BANP: variants seen among roughly 807,000 people sequenced by gnomAD.
BANP encodes protein BANP.
BANP carries 11 observed loss-of-function variants against 68.1 expected under a neutral mutation model. That is an observed-to-expected ratio of 0.16 (90% CI 0.10 to 0.27). BANP has a LOEUF of 0.27. Ranked by LOEUF, BANP falls within the 10% of genes least tolerant of loss-of-function variation. The probability of loss-of-function intolerance (pLI) is 1.00; values close to 1 mark genes in which losing one functional copy is unlikely to be tolerated. For missense variants in BANP, 504 were observed against 722.7 expected, an observed-to-expected ratio of 0.70 and a Z score of 3.47; for synonymous variants, 329 against 303.2, an observed-to-expected ratio of 1.09 and a Z score of -0.88.
chr16:88,035,475 AG>A, intron 10 of BANP, 81 bp downstream of exon 10: 1 of 1,329,854 alleles, frequency 7.5e-7, no homozygotes, highest in Non-Finnish European at 1.0e-6. Context: ...TCACAGTGCG[AG>A]GGCAGCAGGG....
intron 11 of BANP, among the ~76,000 whole-genome samples, chr16:88,056,458 TCTC>T (rs1411394148): frequency 2.8e-4 from 24 of 86,802 alleles, no homozygotes; most frequent in East Asian, 6.7e-4. Context: ...GCGTATTCTC[TCTC>T]TTTTTTTTTT....
At chr16:88,067,407 C>A (rs908872627) in intron 12 of BANP, among the ~76,000 whole-genome samples, 1 of 152,062 alleles carries the variant, frequency 6.6e-6, no homozygotes. Context: ...GGAGGAGACT[C>A]GAGCTGGAAC....
At position 88,071,759 on chromosome 16, in the gene BANP, C is replaced by T. The variant is rs1373154726; in HGVS notation, c.1378-310C>T. 1 of 605,936 alleles carries T rather than the reference C, an allele frequency of 1.7e-6. No individual in the cohort carries two copies. The highest frequency in any genetic ancestry group is 3.4e-5 in the East Asian group (1 of 29,042). The allele number at this position is 605,936 out of a possible 1,614,324, so 37.5% of individuals were successfully genotyped here. ...GGAGGCTCTGTGGCATTTGCTGTTG[C>T]TCTCTTTTTCTGTGGAAGCTCTGCC... is the stretch of plus-strand genomic sequence containing the variant. On this transcript the variant is annotated intron_variant, in intron 12 of 13. Transcript: ENST00000682872. This position sits in a 1 kb window ranked among gnomAD's most constrained non-coding sequence, Gnocchi z 6.5.
intron 9 of BANP, among the ~76,000 whole-genome samples, chr16:88,034,551 G>A (rs529379394): frequency 2.2e-4 from 34 of 151,934 alleles, no homozygotes; most frequent in Non-Finnish European, 4.3e-4. Context: ...TTTGAAAAAC[G>A]TTGCCTGCCC....
At position 88,018,997 on chromosome 16, in the gene BANP, C is replaced by T. The variant is rs1454294345; in HGVS notation, c.895+330C>T. 4.6e-5 allele frequency among the ~76,000 whole-genome samples: 7 copies of T among 150,786 alleles called. No homozygotes were observed. The East Asian group carries it at 7.8e-4, about 17-fold the overall frequency. On this transcript the variant is annotated intron_variant, in intron 7 of 13. Transcript: ENST00000682872. This position sits in a 1 kb window ranked among gnomAD's most constrained non-coding sequence, Gnocchi z 7.7. Reference sequence around the variant, plus strand: ...GAGAGAGGAGGAGGAGAGCCGGGGCCTTCCCTGCTGTCCTGGCCACGCTGA... The same window carrying T: ...GAGAGAGGAGGAGGAGAGCCGGGGCTTTCCCTGCTGTCCTGGCCACGCTGA...
chr16:88,036,201 G>A lies in BANP; in HGVS notation c.1272+807G>A, dbSNP rs142072794. Among the ~76,000 whole-genome samples, 1 of 152,194 alleles carries A rather than the reference G, an allele frequency of 6.6e-6. No homozygotes were observed. The highest frequency in any genetic ancestry group is 1.9e-4 in the East Asian group (1 of 5,190). On this transcript the variant is annotated intron_variant, in intron 10 of 13. Transcript: ENST00000682872. The surrounding 1 kb of genome is among the most constrained non-coding windows in gnomAD (Gnocchi z 4.2). ...ACCGTGGTGCGCTCTGGGGGATGAG[G>A]AACATGGCTGTTTCTAGGTCGTGAC...
In BANP at chr16:87,976,474, G is replaced by GTTTTTTTTTTTT. The variant is rs59786663; in HGVS notation, c.70+1293_70+1304dup. Among the ~76,000 whole-genome samples the GTTTTTTTTTTTT allele has an allele frequency of 3.1e-3, 301 of 95,896 alleles. 14 individuals are homozygous for GTTTTTTTTTTTT. Among genetic ancestry groups the GTTTTTTTTTTTT allele is most frequent in the Middle Eastern group, 0.019 (2 of 108 alleles). 62.9% of individuals were successfully genotyped at this position (95,896 alleles called of 152,430 possible). A position where few individuals can be genotyped will look rare whatever the true frequency, so the allele number is the denominator to read the frequency against. On this transcript the variant is annotated intron_variant, in intron 2 of 13. Transcript: ENST00000682872. The stretch of plus-strand genomic sequence containing the variant: ...TTGTCCACACTTATTGTTTTAAAAA[G>GTTTTTTTTTTTT]TTTTTTTTTTTTTTTGGCCATAAAG...
At position 88,003,482 on chromosome 16, in the gene BANP, C is replaced by T. The variant is rs2070034023; in HGVS notation, c.363-813C>T. 1 of 456,178 alleles carries T rather than the reference C, an allele frequency of 2.2e-6. No individual in the cohort carries two copies. The highest frequency in any genetic ancestry group is 2.0e-5 in the African/African-American group (1 of 50,064). The allele number at this position is 456,178 out of a possible 1,614,324, so 28.3% of individuals were successfully genotyped here. On this transcript the variant is annotated intron_variant, in intron 4 of 13. Coordinates refer to ENST00000682872, the MANE Select transcript of BANP (RefSeq NM_001386991.1). This position sits in a 1 kb window ranked among gnomAD's most constrained non-coding sequence, Gnocchi z 6.1. ...TAGTGCTAGTTCTTTCTCTCCCCAG[C>T]CTTCCACAACAAAGCGGACCTTAGA...
Position 88,004,199 on chromosome 16 carries a change from T to G in BANP, c.363-96T>G. 1 of 783,844 alleles carries G rather than the reference T, an allele frequency of 1.3e-6. No individual in the cohort carries two copies. The highest frequency in any genetic ancestry group is 2.0e-5 in the Admixed American group (1 of 49,764). The allele number at this position is 783,844 out of a possible 1,614,324, so 48.6% of individuals were successfully genotyped here. A position where few individuals can be genotyped will look rare whatever the true frequency, so the allele number is the denominator to read the frequency against. Reference sequence around the variant, plus strand: ...AGGCCTCCCCCTCAGTGCGGGTCCCTGGGAGTGGACTGTGTTGAATGACTC... The same window carrying G: ...AGGCCTCCCCCTCAGTGCGGGTCCCGGGGAGTGGACTGTGTTGAATGACTC... On this transcript the variant is annotated intron_variant, in intron 4 of 13. Transcript: ENST00000682872. This position sits in a 1 kb window ranked among gnomAD's most constrained non-coding sequence, Gnocchi z 7.0.
chr16:88,072,699 C>T (rs1038775507), intron 13 of BANP, among the ~76,000 whole-genome samples: 3 of 152,144 alleles, frequency 2.0e-5, no homozygotes, highest in African/African-American at 7.2e-5. Flanking sequence ...CTCCATACCT[C>T]GCAGGCAGAA....
chr16:88,042,628 T>TA (rs891172051), intron 11 of BANP, among the ~76,000 whole-genome samples: 7 of 152,208 alleles, frequency 4.6e-5, no homozygotes, highest in East Asian at 1.9e-4. Flanking sequence ...GCTGAATATT[T>TA]AAAAAAAATG....
intron 1 of BANP, 36 bp from the exon 2 acceptor site, chr16:87,975,012 A>C: frequency 1.1e-6 from 1 of 950,236 alleles, no homozygotes; most frequent in South Asian, 1.4e-5. Context: ...AGCGATGGTT[A>C]ATGTCCTCTC....
Position 88,057,860 on chromosome 16 carries a change from C to T in BANP, c.1312-7407C>T, listed in dbSNP as rs1048338265. On this transcript the variant is annotated intron_variant, in intron 11 of 13. Coordinates refer to ENST00000682872, the MANE Select transcript of BANP (RefSeq NM_001386991.1). This position sits in a 1 kb window ranked among gnomAD's most constrained non-coding sequence, Gnocchi z 4.6. ...GCCCACAGTGAGGAGGTGCGGGGCA[C>T]GCAGCGAGCACTTTCCGGACAGTGC... Among the ~76,000 whole-genome samples the T allele has an allele frequency of 6.6e-6, 1 of 151,916 alleles. No individual in the cohort carries two copies. The highest frequency in any genetic ancestry group is 2.1e-4 in the South Asian group (1 of 4,816).
chr16:87,964,060 G>T (rs573938237), intron 1 of BANP, among the ~76,000 whole-genome samples: 64 of 152,356 alleles, frequency 4.2e-4, no homozygotes, highest in African/African-American at 1.5e-3. Context: ...CAATCACCCT[G>T]ATTCCACATT....
chr16:88,034,747 A>G (rs61494450), intron 9 of BANP, among the ~76,000 whole-genome samples: 50 of 152,342 alleles, frequency 3.3e-4, no homozygotes, highest in African/African-American at 1.2e-3. Context: ...TAAAGATGTA[A>G]ATATCTTTCC....
intron 2 of BANP, 114 bp downstream of exon 2, chr16:87,975,299 G>T: frequency 9.5e-7 from 1 of 1,056,704 alleles, no homozygotes; most frequent in Non-Finnish European, 1.4e-6. Context: ...TGCATGCTGC[G>T]TATGAAAAGT....
At chr16:87,962,257 G>GAAAAAAAA (rs57493719) in intron 1 of BANP, among the ~76,000 whole-genome samples, 1 of 128,810 alleles carries the variant, frequency 7.8e-6, no homozygotes, top group Non-Finnish European at 1.6e-5. Context: ...AAAAAAAAAA[G>GAAAAAAAA]AAAGCACATT....
At chr16:87,995,120 C>G (rs139794803) in intron 4 of BANP, among the ~76,000 whole-genome samples, 4 of 152,352 alleles carry the variant, frequency 2.6e-5, no homozygotes, top group African/African-American at 9.6e-5. Context: ...TGACACACGT[C>G]TCACCTGTTA....
At position 88,071,150 on chromosome 16, in the gene BANP, A is replaced by C. The variant is rs1050648595; in HGVS notation, c.1378-919A>C. On this transcript the variant is annotated intron_variant, in intron 12 of 13. Transcript: ENST00000682872. This position sits in a 1 kb window ranked among gnomAD's most constrained non-coding sequence, Gnocchi z 6.5. ...CCTGCGACGGGCTGCTCCTCTTCCC[A>C]GGGCCACCGGTGAGACTCTCAGTGC... 2 of 292,700 alleles carry C rather than the reference A, an allele frequency of 6.8e-6. No individual in the cohort carries two copies. The highest frequency in any genetic ancestry group is 2.2e-5 in the African/African-American group (1 of 44,694). 18.1% of individuals were successfully genotyped at this position (292,700 alleles called of 1,614,324 possible). A position where few individuals can be genotyped will look rare whatever the true frequency, so the allele number is the denominator to read the frequency against.
Sources: allele counts gnomAD v4.1 joint callset (sites outside exome capture counted in the v4.1 genomes callset), GRCh38; gene constraint gnomAD v4.1.1; non-coding constraint Gnocchi (gnomAD v3.1); transcripts MANE v1.5; gene names NCBI Gene and HGNC (gene_info 2026-07-23, HGNC 2026-07-21).